Variants in ZNF827 observed in about 807,000 individuals in gnomAD.
The protein encoded by ZNF827 is zinc finger protein 827.
In ZNF827, 13 loss-of-function variants were observed where a neutral mutation model predicts 102.4. The observed-to-expected ratio is 0.13, with a 90% CI of 0.08 to 0.20. The LOEUF (loss-of-function observed/expected upper bound fraction) is 0.20. ZNF827 is among the 10% of genes least tolerant of loss of function. The probability of loss-of-function intolerance (pLI) is 1.00; values close to 1 mark genes in which losing one functional copy is unlikely to be tolerated. For missense variants in ZNF827, 1,103 were observed against 1,344.4 expected, an observed-to-expected ratio of 0.82 and a Z score of 2.81; for synonymous variants, 523 against 536.2, an observed-to-expected ratio of 0.98 and a Z score of 0.34.
At chr4:145,897,259 T>TA (rs1751051604) in intron 2 of ZNF827, among the ~76,000 whole-genome samples, 1 of 152,232 alleles carries the variant, frequency 6.6e-6, no homozygotes, top group Admixed American at 6.5e-5. Flanking sequence ...CGGAGGGTTG[T>TA]AGTTGCTTAA....
intron 8 of ZNF827, among the ~76,000 whole-genome samples, chr4:145,813,509 G>A (rs1742258781): frequency 6.6e-6 from 1 of 152,004 alleles, no homozygotes; most frequent in Admixed American, 6.6e-5. Context: ...AGGGGTCCGG[G>A]AATGTATCCC....
chr4:145,869,757 C>T (rs962062530), intron 5 of ZNF827, among the ~76,000 whole-genome samples: 4 of 152,150 alleles, frequency 2.6e-5, no homozygotes, highest in African/African-American at 9.7e-5. Context: ...ATAAAATTCT[C>T]TATCCATAAA....
intron 4 of ZNF827, among the ~76,000 whole-genome samples, chr4:145,877,453 T>C (rs912884567): frequency 6.6e-6 from 1 of 152,228 alleles, no homozygotes; most frequent in Non-Finnish European, 1.5e-5. Flanking sequence ...GCGTATTATA[T>C]TCAAATGGAA....
intron 3 of ZNF827, among the ~76,000 whole-genome samples, chr4:145,889,554 CT>C (rs36000739): frequency 0.02 from 2,744 of 136,710 alleles, 60 homozygotes; most frequent in African/African-American, 0.068. Context: ...ACTGACCCCA[CT>C]TTTTTTTTTT....
chr4:145,838,323 A>C (rs1028954502), intron 7 of ZNF827, among the ~76,000 whole-genome samples: 9 of 152,244 alleles, frequency 5.9e-5, no homozygotes, highest in African/African-American at 2.2e-4. Flanking sequence ...TGCCCGCCAG[A>C]GAACAAAACC....
intron 3 of ZNF827, among the ~76,000 whole-genome samples, chr4:145,886,360 T>G (rs965229188): frequency 6.6e-6 from 1 of 152,196 alleles, no homozygotes; most frequent in African/African-American, 2.4e-5. Context: ...GAGTCCATTA[T>G]TAGGGCCATG....
At position 145,758,736 on chromosome 4, in the gene ZNF827, T is replaced by C. The variant is rs954525975; in HGVS notation, c.*2880A>G. On this transcript the variant is annotated 3_prime_UTR_variant, in exon 15 of 15. Transcript: ENST00000508784. Reference sequence around the variant, plus strand: ...CCTGGCCAAGAGCAAAGGTCTCTGCTGGAGAATGACTGAGGGTTTGGGAGC... The same window carrying C: ...CCTGGCCAAGAGCAAAGGTCTCTGCCGGAGAATGACTGAGGGTTTGGGAGC... The C allele has an allele frequency of 1.3e-4, 20 of 152,246 alleles. No individual in the cohort carries two copies. The highest frequency in any genetic ancestry group is 7.2e-4 in the Admixed American group (11 of 15,286). 9.4% of individuals were successfully genotyped at this position (152,246 alleles called of 1,614,324 possible). A position where few individuals can be genotyped will look rare whatever the true frequency, so the allele number is the denominator to read the frequency against.
chr4:145,770,922 A>G (rs1319921452), intron 11 of ZNF827: 2 of 152,252 alleles, frequency 1.3e-5, no homozygotes, highest in African/African-American at 4.8e-5. Flanking sequence ...GGCAACAGCA[A>G]TGTGAGTACC....
intron 8 of ZNF827, among the ~76,000 whole-genome samples, chr4:145,781,123 G>T (rs1737924079): frequency 1.3e-5 from 2 of 150,200 alleles, no homozygotes; most frequent in African/African-American, 4.9e-5. Context: ...GTGAACCCGG[G>T]AGGTGGAGGT....
intron 1 of ZNF827, among the ~76,000 whole-genome samples, chr4:145,905,833 T>C (rs936437596): frequency 8.5e-5 from 13 of 152,228 alleles, no homozygotes; most frequent in Non-Finnish European, 1.5e-4. Flanking sequence ...GCTCAAATAA[T>C]CTTTTCTTTA....
chr4:145,866,225 C>T (rs1304556228), intron 5 of ZNF827, among the ~76,000 whole-genome samples: 2 of 152,194 alleles, frequency 1.3e-5, no homozygotes, highest in Non-Finnish European at 2.9e-5. Flanking sequence ...AAAAGGGTTT[C>T]TGTTATTTAT....
At chr4:145,850,868 G>A (rs1243992656) in intron 5 of ZNF827, among the ~76,000 whole-genome samples, 1 of 152,182 alleles carries the variant, frequency 6.6e-6, no homozygotes, top group Admixed American at 6.5e-5. Flanking sequence ...ATGGGAACTT[G>A]TGAATGCGAA....
intron 7 of ZNF827, among the ~76,000 whole-genome samples, chr4:145,837,237 C>T (rs921244790): frequency 9.2e-5 from 14 of 152,132 alleles, no homozygotes; most frequent in African/African-American, 2.7e-4. Context: ...TATGGTCCTC[C>T]GTCTTCAAGA....
intron 5 of ZNF827, among the ~76,000 whole-genome samples, chr4:145,861,033 G>C (rs1278900951): frequency 9.2e-5 from 14 of 152,196 alleles, no homozygotes. Flanking sequence ...CTTGCCCAGT[G>C]GGTGACCCGG....
chr4:145,827,414 T>C (rs566643079), intron 7 of ZNF827, among the ~76,000 whole-genome samples: 12 of 152,340 alleles, frequency 7.9e-5, no homozygotes, highest in African/African-American at 2.6e-4. Flanking sequence ...AAATAATTTT[T>C]GTCTTTATTT....
chr4:145,785,040 G>C (rs1240620645), intron 8 of ZNF827, among the ~76,000 whole-genome samples: 1 of 152,064 alleles, frequency 6.6e-6, no homozygotes, highest in African/African-American at 2.4e-5. Context: ...AATGTCATTT[G>C]GGCTTTTCCT....
chr4:145,772,571 G>A (rs1736447957), intron 11 of ZNF827, among the ~76,000 whole-genome samples: 1 of 152,092 alleles, frequency 6.6e-6, no homozygotes, highest in African/African-American at 2.4e-5. Flanking sequence ...TTTGCATATT[G>A]TCTACGACTA....
Position 145,775,924 on chromosome 4 carries a change from G to A in ZNF827, c.2558C>T (p.Ala853Val). The part of the protein sequence containing the change: ...RKYKCHLCPY[A>V]AKCRANLNQH... ...GTTCAGATTTGCACGGCACTTAGCA[G>A]CATAGGGGCACAAGTGGCATTTGTA... Residue 853 changes from alanine to valine, a missense_variant, in exon 10 of 15, where the codon GCT becomes GTT. Coordinates refer to ENST00000508784, the MANE Select transcript of ZNF827 (RefSeq NM_001306215.2). 1 of 1,614,224 alleles carries A rather than the reference G, an allele frequency of 6.2e-7. No homozygotes were observed. Among genetic ancestry groups the A allele is most frequent in the Non-Finnish European group, 8.5e-7 (1 of 1,180,048 alleles).
intron 2 of ZNF827, among the ~76,000 whole-genome samples, chr4:145,893,165 C>T (rs7678352): frequency 0.18 from 27,067 of 152,182 alleles, 3,013 homozygotes; most frequent in East Asian, 0.43. Context: ...ACAAATGCTC[C>T]AATCTTTCAA....
Sources: allele counts gnomAD v4.1 joint callset (sites outside exome capture counted in the v4.1 genomes callset), GRCh38; gene constraint gnomAD v4.1.1; transcripts MANE v1.5; gene names NCBI Gene and HGNC (gene_info 2026-07-23, HGNC 2026-07-21).